Variants in LEMD3 observed in about 807,000 individuals in gnomAD.
LEMD3 encodes the protein LEM domain containing 3, also known as inner nuclear membrane protein Man1.
Under a neutral mutation model 95.2 loss-of-function variants are expected in LEMD3, and 33 were observed. The observed-to-expected ratio is 0.35, with a 90% CI of 0.26 to 0.46. LEMD3 has a LOEUF of 0.46. Ranked by LOEUF, LEMD3 falls within the 20% of genes least tolerant of loss-of-function variation. The pLI, the probability that LEMD3 is intolerant of heterozygous loss-of-function variation, is 1.00. For missense variants in LEMD3, 1,210 were observed against 1,192.8 expected (o/e 1.01, Z -0.21); for synonymous variants, 525 against 474.6 (o/e 1.11, Z -1.38).
At chr12:65,237,260 G>A (rs1319062241) in intron 4 of LEMD3, among the ~76,000 whole-genome samples, 1 of 152,100 alleles carries the variant, frequency 6.6e-6, no homozygotes, top group Non-Finnish European at 1.5e-5. Flanking sequence ...TCTCTTAAAT[G>A]TGTAGCTTAA....
At chr12:65,175,507 C>A (rs1237403056) in intron 1 of LEMD3, among the ~76,000 whole-genome samples, 2 of 152,168 alleles carry the variant, frequency 1.3e-5, no homozygotes, top group Non-Finnish European at 2.9e-5. Flanking sequence ...TCACCAGTTA[C>A]TCAATTTTCA....
At chr12:65,210,894 C>T in intron 1 of LEMD3, 32 bp from the exon 2 acceptor site, 1 of 1,525,234 alleles carries the variant, frequency 6.6e-7, no homozygotes. Flanking sequence ...GTAAGTGATG[C>T]TAATACTTGT....
intron 1 of LEMD3, among the ~76,000 whole-genome samples, chr12:65,187,874 G>A (rs1869116225): frequency 6.6e-6 from 1 of 152,044 alleles, no homozygotes; most frequent in Non-Finnish European, 1.5e-5. Context: ...CCTAGCACCT[G>A]GTTTTTGGTT....
chr12:65,195,093 A>C (rs546344332), intron 1 of LEMD3, among the ~76,000 whole-genome samples: 1 of 152,064 alleles, frequency 6.6e-6, no homozygotes, highest in African/African-American at 2.4e-5. Flanking sequence ...AGGTGGTTTC[A>C]TTCTTGGGTT....
At position 65,182,061 on chromosome 12, in the gene LEMD3, A is replaced by G. The variant is rs138904799; in HGVS notation, c.1522+10943A>G. ...ACTATGTCTGTGAGAAAACGGAAAG[A>G]TAGAGGGAATAAGGTTACAAGTGAT... On this transcript the variant is annotated intron_variant, in intron 1 of 12. Transcript: ENST00000308330. 2.0e-3 allele frequency among the ~76,000 whole-genome samples: 298 copies of G among 152,276 alleles called. 1 individual carries two copies. Among genetic ancestry groups the G allele is most frequent in the African/African-American group, 7.0e-3 (289 of 41,548 alleles).
chr12:65,191,085 A>C (rs577914735), intron 1 of LEMD3, among the ~76,000 whole-genome samples: 111 of 152,098 alleles, frequency 7.3e-4, no homozygotes, highest in African/African-American at 2.5e-3. Flanking sequence ...ATGTCAGTTT[A>C]ACAATTTTAT....
At chr12:65,236,824 G>GT (rs1374120254) in intron 4 of LEMD3, among the ~76,000 whole-genome samples, 3 of 152,098 alleles carry the variant, frequency 2.0e-5, no homozygotes, top group Admixed American at 1.3e-4. Flanking sequence ...AAAAAATAGG[G>GT]TTTTTTCCAT....
Position 65,242,210 on chromosome 12 carries a change from CCTT to C in LEMD3, c.2305+1129_2305+1131del, listed in dbSNP as rs1276313034. On this transcript the variant is annotated intron_variant, in intron 9 of 12. Coordinates refer to ENST00000308330, the MANE Select transcript of LEMD3 (RefSeq NM_014319.5). Reference sequence around the variant, plus strand: ...TCTTCACTGGGATTTGGGGATGCCACCTTCTTCTGTTTTTTTTCTCCTACCTCA... The same window carrying C: ...TCTTCACTGGGATTTGGGGATGCCACCTTCTGTTTTTTTTCTCCTACCTCA... 2.0e-5 allele frequency among the ~76,000 whole-genome samples: 3 copies of C among 152,226 alleles called. No individual in the cohort carries two copies. In the East Asian group the frequency reaches 5.8e-4, roughly 29 times the overall value.
chr12:65,224,470 A>G (rs1046684857), intron 4 of LEMD3, among the ~76,000 whole-genome samples: 17 of 152,282 alleles, frequency 1.1e-4, no homozygotes, highest in Admixed American at 6.5e-4. Context: ...AAAAAATTGT[A>G]TACCATTTTT....
chr12:65,172,201 A>G (rs955157476), intron 1 of LEMD3, among the ~76,000 whole-genome samples: 2 of 152,220 alleles, frequency 1.3e-5, no homozygotes, highest in Non-Finnish European at 2.9e-5. Flanking sequence ...TCTATTGACT[A>G]GAATGTTTGT....
chr12:65,175,150 A>G (rs1868675582), intron 1 of LEMD3, among the ~76,000 whole-genome samples: 1 of 152,224 alleles, frequency 6.6e-6, no homozygotes, highest in Admixed American at 6.5e-5. Flanking sequence ...CCAGATCATA[A>G]AGACCTAAAC....
chr12:65,180,185 A>G (rs1169929353), intron 1 of LEMD3, among the ~76,000 whole-genome samples: 1 of 152,010 alleles, frequency 6.6e-6, no homozygotes, highest in African/African-American at 2.4e-5. Flanking sequence ...ACCTCAGGTA[A>G]TCCACCTGCC....
chr12:65,204,727 C>T (rs1869710553), intron 1 of LEMD3, among the ~76,000 whole-genome samples: 3 of 152,084 alleles, frequency 2.0e-5, no homozygotes. Flanking sequence ...GTTGAACTAA[C>T]TTACACTCCC....
At position 65,169,879 on chromosome 12, in the gene LEMD3, T is replaced by A. The variant is rs1353400686; in HGVS notation, c.283T>A (p.Ser95Thr). Reference sequence around the variant, plus strand: ...CGCGGGGATGGGGGTCCGGCCGGTCTCGGGCGACCTCTCCTACTTACGGAC... The same window carrying A: ...CGCGGGGATGGGGGTCCGGCCGGTCACGGGCGACCTCTCCTACTTACGGAC... The part of the protein sequence containing the change: ...AAAGMGVRPV[S>T]GDLSYLRTPG... The change falls in exon 1 of 13, where the codon TCG becomes ACG. Residue 95 changes from serine to threonine, a missense_variant. By Grantham distance (58) the Ser-to-Thr change is moderately conservative. Coordinates refer to ENST00000308330, the MANE Select transcript of LEMD3 (RefSeq NM_014319.5). The A allele has an allele frequency of 7.6e-6, 11 of 1,450,492 alleles. No individual in the cohort carries two copies. The Admixed American group carries it at 3.1e-4, about 42-fold the overall frequency. 89.9% of individuals were successfully genotyped at this position (1,450,492 alleles called of 1,614,324 possible).
chr12:65,191,567 G>A (rs1869240996), intron 1 of LEMD3, among the ~76,000 whole-genome samples: 1 of 152,100 alleles, frequency 6.6e-6, no homozygotes, highest in Non-Finnish European at 1.5e-5. Flanking sequence ...TTTTTATGAG[G>A]AGAGAGAACA....
In LEMD3 at chr12:65,170,100, C is replaced by G. The variant is rs1281017378; in HGVS notation, c.504C>G (p.Arg168=). ...AAGACCGGGCTTCGCTCCAGTACCG[C>G]GGGCTCAAAGCGCCGCCGGCGCCCC... is the stretch of plus-strand genomic sequence containing the variant. The part of the protein sequence containing the change: ...GRKDRASLQY[R]GLKAPPAPLA... The change falls in exon 1 of 13, where the codon CGC becomes CGG. Residue 168 remains arginine, a synonymous_variant. Transcript: ENST00000308330. 1.4e-6 allele frequency: 2 copies of G among 1,468,340 alleles called. No individual in the cohort carries two copies. Among genetic ancestry groups the G allele is most frequent in the African/African-American group, 2.8e-5 (2 of 70,194 alleles). 91.0% of individuals were successfully genotyped at this position (1,468,340 alleles called of 1,614,324 possible).
At chr12:65,211,225 T>G (rs1222286910) in intron 2 of LEMD3, among the ~76,000 whole-genome samples, 1 of 152,218 alleles carries the variant, frequency 6.6e-6, no homozygotes, top group Non-Finnish European at 1.5e-5. Flanking sequence ...ATCACTTTAC[T>G]GTAAAAGACT....
chr12:65,201,946 G>A (rs1869612400), intron 1 of LEMD3, among the ~76,000 whole-genome samples: 1 of 150,778 alleles, frequency 6.6e-6, no homozygotes, highest in African/African-American at 2.4e-5. Flanking sequence ...TTATTAAGTT[G>A]AGGAAATTCC....
intron 1 of LEMD3, among the ~76,000 whole-genome samples, chr12:65,210,122 A>T (rs1015631355): frequency 1.2e-4 from 14 of 114,452 alleles, no homozygotes; most frequent in African/African-American, 5.6e-4. Context: ...CTTAATTTAG[A>T]GGTGAATGAA....
Sources: gnomAD v4.1 joint callset for allele counts (sites outside exome capture counted in the v4.1 genomes callset) on GRCh38, gnomAD v4.1.1 for gene constraint, MANE v1.5 for transcripts, NCBI Gene and HGNC (gene_info 2026-07-23, HGNC 2026-07-21) for gene names.